The following ARHGAP26 variants were observed in gnomAD, a reference collection of about 807,000 sequenced individuals.
ARHGAP26 encodes rho GTPase-activating protein 26.
In ARHGAP26, 38 loss-of-function variants were observed where a neutral mutation model predicts 104.8. That is an observed-to-expected ratio of 0.36 (90% CI 0.28 to 0.48). The LOEUF is 0.48. Among genes scored for constraint, ARHGAP26 ranks in the 20% least tolerant of loss-of-function variants. The probability of loss-of-function intolerance (pLI) is 0.99; values close to 1 mark genes in which losing one functional copy is unlikely to be tolerated. For synonymous variants in ARHGAP26, 341 were observed against 340.0 expected (o/e 1.00, Z -0.03); for missense variants, 704 against 947.9 (o/e 0.74, Z 3.38).
In ARHGAP26 at chr5:142,992,446, T is replaced by A. The variant is rs550361421; in HGVS notation, c.1108-21634T>A. ...TTATTTTATTTTATTTTTTATTTTT[T>A]TTTTTGAGAGGGAGTCTTGCCCTGT... On this transcript the variant is annotated intron_variant, in intron 11 of 22. Coordinates refer to ENST00000645722, the MANE Select transcript of ARHGAP26 (RefSeq NM_001135608.3). 1.5e-4 allele frequency among the ~76,000 whole-genome samples: 22 copies of A among 151,240 alleles called. No individual in the cohort carries two copies. In the South Asian group the frequency reaches 3.1e-3, roughly 21 times the overall value.
At chr5:142,865,048 C>G (rs1442197770) in intron 1 of ARHGAP26, among the ~76,000 whole-genome samples, 1 of 152,140 alleles carries the variant, frequency 6.6e-6, no homozygotes, top group East Asian at 1.9e-4. Flanking sequence ...AAGAAATGTC[C>G]ACAGTCTTCC....
intron 10 of ARHGAP26, among the ~76,000 whole-genome samples, chr5:142,914,432 T>C (rs1431882688): frequency 6.6e-6 from 1 of 152,380 alleles, no homozygotes; most frequent in South Asian, 2.1e-4. Flanking sequence ...GCAAATTACT[T>C]AATCTTTTGG....
Position 142,801,379 on chromosome 5 carries a change from A to G in ARHGAP26, c.154+30464A>G, listed in dbSNP as rs117000519. On this transcript the variant is annotated intron_variant, in intron 1 of 22. Transcript: ENST00000645722. ...ACCTTAAAATCTTGTATGTACTGTC[A>G]TTCAGTCATCAGAACTTTATAATGT... is the stretch of plus-strand genomic sequence containing the variant. Among the ~76,000 whole-genome samples, 109 of 152,300 alleles carry G rather than the reference A, an allele frequency of 7.2e-4. 1 individual carries two copies. The highest frequency in any genetic ancestry group is 1.1e-3 in the Non-Finnish European group (76 of 68,026).
At chr5:142,898,038 C>T (rs1759728931) in intron 6 of ARHGAP26, among the ~76,000 whole-genome samples, 1 of 152,086 alleles carries the variant, frequency 6.6e-6, no homozygotes, top group South Asian at 2.1e-4. Flanking sequence ...TTGAAAGTAA[C>T]TTCAAGTACC....
intron 1 of ARHGAP26, among the ~76,000 whole-genome samples, chr5:142,802,196 T>C (rs1299581681): frequency 6.6e-6 from 1 of 152,260 alleles, no homozygotes; most frequent in Non-Finnish European, 1.5e-5. Context: ...ATGAAGGCTA[T>C]AAACAGATGT....
intron 13 of ARHGAP26, among the ~76,000 whole-genome samples, chr5:143,038,387 T>G (rs765103102): frequency 6.6e-6 from 1 of 152,188 alleles, no homozygotes; most frequent in Non-Finnish European, 1.5e-5. Flanking sequence ...AAATGTTCAG[T>G]TATTTCCCCT....
At chr5:142,788,420 G>A (rs925579294) in intron 1 of ARHGAP26, among the ~76,000 whole-genome samples, 1 of 152,114 alleles carries the variant, frequency 6.6e-6, no homozygotes, top group African/African-American at 2.4e-5. Flanking sequence ...CATTACCAGA[G>A]TGTCACAGAA....
intron 11 of ARHGAP26, among the ~76,000 whole-genome samples, chr5:142,984,539 G>A (rs74882417): frequency 1.3e-5 from 2 of 152,110 alleles, no homozygotes; most frequent in Admixed American, 6.5e-5. Context: ...ACAGATCTGT[G>A]CATTCATCTC....
At chr5:142,781,765 G>T (rs1757540142) in intron 1 of ARHGAP26, among the ~76,000 whole-genome samples, 1 of 152,198 alleles carries the variant, frequency 6.6e-6, no homozygotes, top group African/African-American at 2.4e-5. Context: ...AGGCTGGAGT[G>T]CAGTGGTATT....
At chr5:143,162,028 G>A (rs1406382615) in intron 20 of ARHGAP26, among the ~76,000 whole-genome samples, 1 of 152,106 alleles carries the variant, frequency 6.6e-6, no homozygotes, top group Non-Finnish European at 1.5e-5. Context: ...ACAAAGATGA[G>A]TAAAGCCCAC....
chr5:142,864,625 T>C (rs1561975685), intron 1 of ARHGAP26, among the ~76,000 whole-genome samples: 1 of 152,334 alleles, frequency 6.6e-6, no homozygotes, highest in South Asian at 2.1e-4. Flanking sequence ...GTAATTAAGA[T>C]TCTCCTTTGG....
chr5:142,931,291 G>A (rs993753837), intron 10 of ARHGAP26, among the ~76,000 whole-genome samples: 6 of 152,128 alleles, frequency 3.9e-5, no homozygotes, highest in Non-Finnish European at 8.8e-5. Context: ...GCTTTCAGCC[G>A]CTTCTCCCAA....
chr5:142,953,504 T>G (rs1768717397), intron 11 of ARHGAP26, among the ~76,000 whole-genome samples: 1 of 152,212 alleles, frequency 6.6e-6, no homozygotes, highest in Admixed American at 6.5e-5. Context: ...AGTCCATTTC[T>G]CCTGGGTTTG....
intron 22 of ARHGAP26, among the ~76,000 whole-genome samples, chr5:143,215,349 G>A (rs1645697178): frequency 6.6e-6 from 1 of 152,186 alleles, no homozygotes; most frequent in South Asian, 2.1e-4. Flanking sequence ...CAACACAAAG[G>A]ACTCCTGATC....
intron 20 of ARHGAP26, among the ~76,000 whole-genome samples, chr5:143,155,223 C>T (rs996126188): frequency 1.3e-5 from 2 of 152,152 alleles, no homozygotes; most frequent in African/African-American, 2.4e-5. Flanking sequence ...CTTACTTACT[C>T]GTTCATTGTT....
At chr5:143,019,338 G>A (rs1056853757) in intron 12 of ARHGAP26, among the ~76,000 whole-genome samples, 13 of 151,780 alleles carry the variant, frequency 8.6e-5, no homozygotes, top group African/African-American at 2.7e-4. Flanking sequence ...TCATTGATTC[G>A]TCCCTTTCAT....
intron 17 of ARHGAP26, among the ~76,000 whole-genome samples, chr5:143,104,943 T>C (rs890973557): frequency 6.6e-6 from 1 of 152,254 alleles, no homozygotes; most frequent in Non-Finnish European, 1.5e-5. Flanking sequence ...CACTGGTGAT[T>C]TTTATTTTCT....
intron 20 of ARHGAP26, among the ~76,000 whole-genome samples, chr5:143,156,865 A>G (rs566428781): frequency 6.6e-6 from 1 of 152,276 alleles, no homozygotes; most frequent in Admixed American, 6.5e-5. Context: ...TGCACTTTCC[A>G]TCTCCCCCCA....
At chr5:142,931,958 C>G in intron 10 of ARHGAP26, 89 bp from the exon 11 acceptor site, 1 of 1,232,354 alleles carries the variant, frequency 8.1e-7, no homozygotes, top group South Asian at 1.2e-5. Flanking sequence ...CAGCCACTGA[C>G]TCTTTTGAGT....
Sources: gnomAD v4.1 joint callset for allele counts (sites outside exome capture counted in the v4.1 genomes callset) on GRCh38, gnomAD v4.1.1 for gene constraint, MANE v1.5 for transcripts, NCBI Gene and HGNC (gene_info 2026-07-23, HGNC 2026-07-21) for gene names.